SLC5A4: variants seen among roughly 807,000 people sequenced by gnomAD.
The protein encoded by SLC5A4 is solute carrier family 5 member 4.
Under a neutral mutation model 70.3 loss-of-function variants are expected in SLC5A4, and 55 were observed. The ratio of observed to expected loss-of-function variants is 0.78; its 90% CI spans 0.63 to 0.98. The LOEUF (loss-of-function observed/expected upper bound fraction) is 0.98. SLC5A4 is among the 50% of genes least tolerant of loss of function. SLC5A4 has a pLI of 0.00. For synonymous variants in SLC5A4, 268 were observed against 305.7 expected (o/e 0.88, Z 1.29); for missense variants, 735 against 839.2 (o/e 0.88, Z 1.53).
chr22:32,307,006 A>T, the SLC5A4 span, among the ~76,000 whole-genome samples: 1 of 152,176 alleles, frequency 6.6e-6, no homozygotes, highest in African/African-American at 2.4e-5. Context: ...GCGCTGACCA[A>T]TGTGGAATCC....
chr22:32,302,748 G>T, the SLC5A4 span, among the ~76,000 whole-genome samples: 1 of 152,142 alleles, frequency 6.6e-6, no homozygotes, highest in Admixed American at 6.5e-5. Context: ...AAATTGGGTT[G>T]AGTGATTACC....
At chr22:32,325,576 G>C in the SLC5A4 span, among the ~76,000 whole-genome samples, 12 of 152,258 alleles carry the variant, frequency 7.9e-5, no homozygotes, top group African/African-American at 2.9e-4. Context: ...CTGCCAGAAG[G>C]TGTCTGGACC....
chr22:32,229,637 G>T (rs1389717386), intron 10 of SLC5A4, among the ~76,000 whole-genome samples: 1 of 152,190 alleles, frequency 6.6e-6, no homozygotes, highest in African/African-American at 2.4e-5. Flanking sequence ...ATGGTTACCA[G>T]AGGCTGGGAA....
At chr22:32,290,529 T>G in the SLC5A4 span, among the ~76,000 whole-genome samples, 1 of 152,238 alleles carries the variant, frequency 6.6e-6, no homozygotes, top group Non-Finnish European at 1.5e-5. Context: ...TTTTATATTT[T>G]CAAATGCTTT....
At chr22:32,271,379 C>A in the SLC5A4 span, 1 of 751,568 alleles carries the variant, frequency 1.3e-6, no homozygotes. Context: ...GCCGCCAGAG[C>A]ACACCTTACC....
chr22:32,257,659 C>CTTTTTTTTTT (rs58908133), upstream of SLC5A4, among the ~76,000 whole-genome samples: 6,730 of 141,736 alleles, frequency 0.047, 395 homozygotes, highest in African/African-American at 0.14. Context: ...GCAAGGTTTT[C>CTTTTTTTTTT]TTTTTTTTTT....
Position 32,234,994 on chromosome 22 carries a change from C to G in SLC5A4, c.764G>C (p.Cys255Ser), listed in dbSNP as rs150736653. ...EGDNLTISAS[C>S]YTPRADSFHI... ...GAAGGAGTCCGCCCGAGGTGTGTAG[C>G]AACTGGCACTGATTGTCAAGTTGTC... Residue 255 changes from cysteine (C) to serine (S), a missense_variant, in exon 8 of 15, where the codon TGC (cysteine) becomes TCC (serine). Transcript: ENST00000266086. 25 of 1,613,400 alleles carry G rather than the reference C, an allele frequency of 1.5e-5. No individual in the cohort carries two copies. Among genetic ancestry groups the G allele is most frequent in the Non-Finnish European group, 2.0e-5 (24 of 1,179,988 alleles).
At chr22:32,228,906 G>A (rs1273987219) in intron 11 of SLC5A4, among the ~76,000 whole-genome samples, 1 of 152,106 alleles carries the variant, frequency 6.6e-6, no homozygotes, top group Admixed American at 6.5e-5. Context: ...TTAAAATACT[G>A]GTGGAGTTTT....
chr22:32,240,481 T>G (rs1700862734), intron 5 of SLC5A4, among the ~76,000 whole-genome samples: 1 of 152,168 alleles, frequency 6.6e-6, no homozygotes, highest in Non-Finnish European at 1.5e-5. Flanking sequence ...ATAAAACTAA[T>G]AATGTATATG....
the SLC5A4 span, among the ~76,000 whole-genome samples, chr22:32,329,726 G>A: frequency 7.6e-5 from 1 of 13,072 alleles, no homozygotes; most frequent in African/African-American, 6.3e-4. Flanking sequence ...TGGGGACTCT[G>A]GTGTGTGTGT....
chr22:32,301,502 TG>T, the SLC5A4 span, among the ~76,000 whole-genome samples: 9 of 152,212 alleles, frequency 5.9e-5, no homozygotes, highest in East Asian at 1.7e-3. Flanking sequence ...AAAACATTCT[TG>T]AAAGAAATTT....
chr22:32,344,696 G>T, the SLC5A4 span, among the ~76,000 whole-genome samples: 1 of 152,114 alleles, frequency 6.6e-6, no homozygotes, highest in Non-Finnish European at 1.5e-5. Flanking sequence ...CAGACATGAA[G>T]CTTCCAATTC....
the SLC5A4 span, among the ~76,000 whole-genome samples, chr22:32,263,429 C>A: frequency 5.3e-5 from 8 of 152,116 alleles, no homozygotes; most frequent in Non-Finnish European, 1.2e-4. Flanking sequence ...ATTTATGCGG[C>A]CAAGAAACAT....
chr22:32,318,752 T>A, the SLC5A4 span, among the ~76,000 whole-genome samples: 36 of 152,172 alleles, frequency 2.4e-4, no homozygotes, highest in African/African-American at 8.7e-4. Context: ...ACCCCTTTCC[T>A]CAAAACCCTC....
At chr22:32,231,963 C>T (rs182624427) in intron 9 of SLC5A4, among the ~76,000 whole-genome samples, 50 of 152,158 alleles carry the variant, frequency 3.3e-4, no homozygotes, top group African/African-American at 1.1e-3. Flanking sequence ...TCACTGTAGC[C>T]TTGAACTCCT....
the SLC5A4 span, among the ~76,000 whole-genome samples, chr22:32,346,798 G>A: frequency 6.8e-6 from 1 of 147,276 alleles, no homozygotes; most frequent in South Asian, 2.3e-4. Flanking sequence ...GCATGGGCAA[G>A]GACTTCATGT....
At chr22:32,309,287 T>G in the SLC5A4 span, among the ~76,000 whole-genome samples, 1 of 152,192 alleles carries the variant, frequency 6.6e-6, no homozygotes, top group African/African-American at 2.4e-5. Context: ...CAGTTCCCAG[T>G]GAGAAACAGT....
chr22:32,347,804 A>T, the SLC5A4 span, among the ~76,000 whole-genome samples: 1 of 152,042 alleles, frequency 6.6e-6, no homozygotes. Flanking sequence ...ATGTATACAC[A>T]TGTAACAAAC....
chr22:32,277,243 C>A, the SLC5A4 span: 1 of 152,174 alleles, frequency 6.6e-6, no homozygotes, highest in Admixed American at 6.5e-5. Flanking sequence ...AGAAACTGTA[C>A]AGAAGTTAGT....
Sources: allele counts gnomAD v4.1 joint callset (sites outside exome capture counted in the v4.1 genomes callset), GRCh38; gene constraint gnomAD v4.1.1; transcripts MANE v1.5; gene names NCBI Gene and HGNC (gene_info 2026-07-23, HGNC 2026-07-21).